Variants in RABGAP1L observed in about 807,000 individuals in gnomAD.
The protein encoded by RABGAP1L is RAB GTPase activating protein 1 like.
Under a neutral mutation model 137.7 loss-of-function variants are expected in RABGAP1L, and 63 were observed. That is an observed-to-expected ratio of 0.46 (90% CI 0.37 to 0.56). RABGAP1L has a LOEUF of 0.56. Ranked by LOEUF, RABGAP1L falls within the 20% of genes least tolerant of loss-of-function variation. The pLI is 0.00. For missense variants in RABGAP1L, 1,095 were observed against 1,244.0 expected (o/e 0.88, Z 1.80); for synonymous variants, 431 against 433.7 (o/e 0.99, Z 0.08).
intron 13 of RABGAP1L, among the ~76,000 whole-genome samples, chr1:174,628,319 G>A (rs1414767150): frequency 6.6e-6 from 1 of 152,164 alleles, no homozygotes; most frequent in Non-Finnish European, 1.5e-5. Context: ...TAATCATAAT[G>A]TAACAGAAAA....
chr1:174,385,602 C>T (rs985985795), intron 12 of RABGAP1L, among the ~76,000 whole-genome samples: 5 of 152,162 alleles, frequency 3.3e-5, no homozygotes, highest in African/African-American at 1.2e-4. Context: ...ACTGCACCCT[C>T]GACCACTCCA....
intron 11 of RABGAP1L, among the ~76,000 whole-genome samples, chr1:174,336,615 G>T (rs1681491727): frequency 6.6e-6 from 1 of 152,156 alleles, no homozygotes; most frequent in Non-Finnish European, 1.5e-5. Context: ...TAGGTCAGGG[G>T]TAGGGCCTGG....
chr1:174,170,688 A>AG (rs1386543872), intron 1 of RABGAP1L, among the ~76,000 whole-genome samples: 2 of 151,576 alleles, frequency 1.3e-5, no homozygotes, highest in Admixed American at 6.6e-5. Context: ...AAAAAAAAAA[A>AG]AAAAAATCAC....
intron 7 of RABGAP1L, among the ~76,000 whole-genome samples, chr1:174,271,336 G>T (rs1674542206): frequency 6.6e-6 from 1 of 152,090 alleles, no homozygotes; most frequent in Non-Finnish European, 1.5e-5. Context: ...CATTAGCCAT[G>T]ATACTAGGAG....
At chr1:174,846,214 G>A (rs1694032184) in intron 19 of RABGAP1L, among the ~76,000 whole-genome samples, 1 of 145,088 alleles carries the variant, frequency 6.9e-6, no homozygotes, top group African/African-American at 2.5e-5. Flanking sequence ...GGTTTTTTGT[G>A]TCTCTATTTC....
chr1:174,332,510 C>T lies in RABGAP1L; in HGVS notation c.1465+27383C>T, dbSNP rs902289162. On this transcript the variant is annotated intron_variant, in intron 11 of 25. Transcript: ENST00000681986. ...GTCTGGGTTCAAGCGATTCCCCTGC[C>T]TCAGCCTCCCGAGTAGCTGTGATTA... 3.3e-5 allele frequency among the ~76,000 whole-genome samples: 5 copies of T among 152,278 alleles called. No individual in the cohort carries two copies. The East Asian group carries it at 9.6e-4, about 29-fold the overall frequency.
At chr1:174,723,419 G>A (rs1467189655) in intron 17 of RABGAP1L, among the ~76,000 whole-genome samples, 1 of 152,174 alleles carries the variant, frequency 6.6e-6, no homozygotes, top group Non-Finnish European at 1.5e-5. Context: ...GCAGTTTCCT[G>A]TGGTGCATCC....
intron 14 of RABGAP1L, among the ~76,000 whole-genome samples, chr1:174,646,217 T>C (rs983350946): frequency 6.6e-6 from 1 of 152,176 alleles, no homozygotes; most frequent in African/African-American, 2.4e-5. Flanking sequence ...TTCATTTAAT[T>C]AGATCCCATT....
intron 18 of RABGAP1L, 53 bp downstream of exon 18, chr1:174,752,407 T>C: frequency 1.5e-6 from 2 of 1,293,136 alleles, no homozygotes; most frequent in Non-Finnish European, 2.2e-6. Context: ...TCTTTGCCCT[T>C]GGAACTGGAA....
chr1:174,757,099 G>A, intron 18 of RABGAP1L: 1 of 494,548 alleles, frequency 2.0e-6, no homozygotes, highest in South Asian at 1.5e-5. Context: ...CAAAGTCTCG[G>A]TGCTTTTGGG....
At chr1:174,720,368 A>G (rs922359968) in intron 17 of RABGAP1L, among the ~76,000 whole-genome samples, 3 of 151,318 alleles carry the variant, frequency 2.0e-5, no homozygotes, top group Non-Finnish European at 2.9e-5. Flanking sequence ...CAGTGGCACG[A>G]TCTCAGCTCA....
chr1:174,395,013 A>ATTCT (rs1460732646), intron 13 of RABGAP1L, among the ~76,000 whole-genome samples: 2 of 151,246 alleles, frequency 1.3e-5, no homozygotes, highest in Admixed American at 6.6e-5. Context: ...AATATGCAAG[A>ATTCT]TGATCCATTG....
At chr1:174,698,711 TAGAA>T (rs145848519) in intron 15 of RABGAP1L, among the ~76,000 whole-genome samples, 11,871 of 152,082 alleles carry the variant, frequency 0.078, 633 homozygotes, top group East Asian at 0.31. Flanking sequence ...TATACTGAGA[TAGAA>T]AGATTTCCAA....
intron 11 of RABGAP1L, among the ~76,000 whole-genome samples, chr1:174,355,738 T>A (rs1465869595): frequency 6.6e-6 from 1 of 152,170 alleles, no homozygotes; most frequent in Admixed American, 6.5e-5. Context: ...TAATGATACG[T>A]TTTTATTAAT....
chr1:174,844,081 T>C (rs1421424859), intron 19 of RABGAP1L, among the ~76,000 whole-genome samples: 1 of 151,808 alleles, frequency 6.6e-6, no homozygotes, highest in Non-Finnish European at 1.5e-5. Context: ...GGTTGTTTTT[T>C]TCTTGTAAAT....
chr1:174,611,994 T>C (rs1286028883), intron 13 of RABGAP1L, among the ~76,000 whole-genome samples: 2 of 152,262 alleles, frequency 1.3e-5, no homozygotes, highest in Non-Finnish European at 2.9e-5. Context: ...AATCATGTCA[T>C]CTGCAAACAG....
chr1:174,807,978 CTTTTTTTTT>C (rs144433289), intron 18 of RABGAP1L, among the ~76,000 whole-genome samples: 1 of 94,606 alleles, frequency 1.1e-5, no homozygotes, highest in African/African-American at 3.3e-5. Flanking sequence ...ACAACAAATT[CTTTTTTTTT>C]TTTTTTTTTG....
rs1184362266 is a variant in RABGAP1L at position 174,846,141 on chromosome 1, C to T, written c.2340+34181C>T. 5.5e-3 allele frequency among the ~76,000 whole-genome samples: 827 copies of T among 151,410 alleles called. 7 individuals are homozygous for T. Among genetic ancestry groups the T allele is most frequent in the African/African-American group, 0.019 (773 of 41,178 alleles). On this transcript the variant is annotated intron_variant, in intron 19 of 25. Transcript: ENST00000681986. ...TTTTCTTCTTTATTAGTCTTGCTAGCGGTCTATCAATTTTGTTGATCCTTT... is the reference window on the plus strand; with the variant it reads ...TTTTCTTCTTTATTAGTCTTGCTAGTGGTCTATCAATTTTGTTGATCCTTT...
In RABGAP1L at chr1:174,720,290, T is replaced by TAGATAGACAGAC. The variant is rs368112419; in HGVS notation, c.2169+18037_2169+18038insTAGACAGACAGA. Among the ~76,000 whole-genome samples, 569 of 141,708 alleles carry TAGATAGACAGAC rather than the reference T, an allele frequency of 4.0e-3. 4 individuals are homozygous for TAGATAGACAGAC. Among genetic ancestry groups the TAGATAGACAGAC allele is most frequent in the African/African-American group, 0.012 (437 of 36,394 alleles). 93.0% of individuals were successfully genotyped at this position (141,708 alleles called of 152,430 possible). A position where few individuals can be genotyped will look rare whatever the true frequency, so the allele number is the denominator to read the frequency against. ...ATAGATAGATAGATAGATAGATAGATAGACAGACAGATAGTTGGTTTTTTT... is the reference window on the plus strand; with the variant it reads ...ATAGATAGATAGATAGATAGATAGATAGATAGACAGACAGACAGACAGATAGTTGGTTTTTTT... On this transcript the variant is annotated intron_variant, in intron 17 of 25. Coordinates refer to ENST00000681986, the MANE Select transcript of RABGAP1L (RefSeq NM_001366446.1).
Sources: gnomAD v4.1 joint callset for allele counts (sites outside exome capture counted in the v4.1 genomes callset) on GRCh38, gnomAD v4.1.1 for gene constraint, MANE v1.5 for transcripts, NCBI Gene and HGNC (gene_info 2026-07-23, HGNC 2026-07-21) for gene names.